Variants in CAGE1 observed in about 807,000 individuals in gnomAD.
CAGE1 encodes the protein cancer antigen 1, also known as cancer-associated gene 1 protein.
Under a neutral mutation model 94.9 loss-of-function variants are expected in CAGE1, and 66 were observed. That is an observed-to-expected ratio of 0.70 (90% CI 0.57 to 0.85). The LOEUF is 0.85. Among genes scored for constraint, CAGE1 ranks in the 40% least tolerant of loss-of-function variants. CAGE1 has a pLI of 0.00. For synonymous variants in CAGE1, 319 were observed against 321.0 expected (o/e 0.99, Z 0.07); for missense variants, 865 against 950.4 (o/e 0.91, Z 1.18).
At chr6:7,363,137 G>T (rs952611144) in intron 9 of CAGE1, among the ~76,000 whole-genome samples, 2 of 152,144 alleles carry the variant, frequency 1.3e-5, no homozygotes, top group Admixed American at 1.3e-4. Context: ...GGGTGTGGTG[G>T]TGGGTGCTTG....
In CAGE1 at chr6:7,342,630, G is replaced by A. The variant is rs553586329; in HGVS notation, c.2370-8540C>T. ...CTGTCCTTGACTGTCAGTGCTCAGG[G>A]AACTGCTCTGCCACCCTTCTCCTCA... On this transcript the variant is annotated intron_variant, in intron 11 of 13. Transcript: ENST00000502583. Among the ~76,000 whole-genome samples the A allele has an allele frequency of 5.3e-5, 8 of 152,322 alleles. No homozygotes were observed. In the East Asian group the frequency reaches 1.5e-3, roughly 29 times the overall value.
intron 13 of CAGE1, among the ~76,000 whole-genome samples, chr6:7,328,520 G>A (rs914221207): frequency 1.9e-5 from 2 of 102,668 alleles, no homozygotes; most frequent in Non-Finnish European, 4.4e-5. Context: ...AGGAGAAGCT[G>A]CATGAGCAAT....
At chr6:7,366,984 A>G (rs1437278831) in intron 7 of CAGE1, among the ~76,000 whole-genome samples, 1 of 152,126 alleles carries the variant, frequency 6.6e-6, no homozygotes. Flanking sequence ...TTAATATCCA[A>G]TATTCAAACT....
At position 7,378,964 on chromosome 6, in the gene CAGE1, T is replaced by C. The variant is rs1760847795; in HGVS notation, c.340A>G (p.Ser114Gly). The C allele has an allele frequency of 1.3e-6, 2 of 1,573,018 alleles. No individual in the cohort carries two copies. Among genetic ancestry groups the C allele is most frequent in the Non-Finnish European group, 1.7e-6 (2 of 1,157,584 alleles). The change falls in exon 4 of 14, where the codon AGC becomes GGC. Residue 114 changes from serine (S) to glycine (G), a missense_variant. By Grantham distance (56) the Ser-to-Gly change is moderately conservative. Transcript: ENST00000502583. ...TCAAATTGTCTCAAGGAAGATATGCTGATGGTGTCAACTGGCTGAATTAGT... is the reference window on the plus strand; with the variant it reads ...TCAAATTGTCTCAAGGAAGATATGCCGATGGTGTCAACTGGCTGAATTAGT... ...NALIQPVDTI[S>G]ISSLRQFETV...
chr6:7,338,964 T>G, intron 11 of CAGE1: 1 of 1,610,004 alleles, frequency 6.2e-7, no homozygotes, highest in Non-Finnish European at 8.5e-7. Flanking sequence ...AGGCAGGGGC[T>G]TCTTAGGGCC....
intron 4 of CAGE1, among the ~76,000 whole-genome samples, chr6:7,375,215 C>A (rs1760695670): frequency 6.6e-6 from 1 of 151,678 alleles, no homozygotes; most frequent in Admixed American, 6.6e-5. Context: ...TCAAGACCAT[C>A]CTGGCCAACA....
At chr6:7,371,119 G>T (rs1760523701) in intron 5 of CAGE1, among the ~76,000 whole-genome samples, 1 of 152,118 alleles carries the variant, frequency 6.6e-6, no homozygotes, top group African/African-American at 2.4e-5. Context: ...TAGGTCCGTG[G>T]TTCTCAAAGT....
chr6:7,330,624 T>C (rs1561844883), intron 12 of CAGE1, among the ~76,000 whole-genome samples: 1 of 152,190 alleles, frequency 6.6e-6, no homozygotes, highest in Non-Finnish European at 1.5e-5. Context: ...TGCCATAATT[T>C]TGAGAGGCTG....
chr6:7,376,169 C>G (rs1019477221), intron 4 of CAGE1, among the ~76,000 whole-genome samples: 1 of 151,716 alleles, frequency 6.6e-6, no homozygotes, highest in African/African-American at 2.4e-5. Flanking sequence ...GCAGGTGGAT[C>G]GCAACGTCAG....
At chr6:7,385,893 T>C (rs748399116) in intron 2 of CAGE1, 21 bp from the exon 3 acceptor site, 14 of 1,284,276 alleles carry the variant, frequency 1.1e-5, no homozygotes, top group Middle Eastern at 3.7e-4. Context: ...AAAAAAGGCA[T>C]CAATACTTCA....
chr6:7,345,197 T>C (rs1424585613), intron 11 of CAGE1, among the ~76,000 whole-genome samples: 1 of 107,334 alleles, frequency 9.3e-6, no homozygotes, highest in Admixed American at 9.2e-5. Context: ...AGGTTTGTAG[T>C]TTCACTCTTT....
chr6:7,379,131 T>C (rs1201009874), intron 3 of CAGE1, 111 bp from the exon 4 acceptor site: 5 of 677,744 alleles, frequency 7.4e-6, no homozygotes. Context: ...AAAAATTATA[T>C]ATTATTTCAA....
At chr6:7,347,086 G>C (rs146668169) in intron 11 of CAGE1, among the ~76,000 whole-genome samples, 5 of 152,212 alleles carry the variant, frequency 3.3e-5, no homozygotes, top group African/African-American at 1.2e-4. Flanking sequence ...CATGGTGGAC[G>C]GGAGGCAGGA....
rs550796838 is a variant in CAGE1 at position 7,345,981 on chromosome 6, ACT to A, written c.2369+9058_2369+9059del. On this transcript the variant is annotated intron_variant, in intron 11 of 13. Transcript: ENST00000502583. The stretch of plus-strand genomic sequence containing the variant: ...ATGCATTTGAAGAACAATACCTCAA[ACT>A]CTATTAAATTTTAGCAGAATCAATA... Among the ~76,000 whole-genome samples, 7 of 152,140 alleles carry A rather than the reference ACT, an allele frequency of 4.6e-5. No homozygotes were observed. The East Asian group carries it at 5.8e-4, about 13-fold the overall frequency.
intron 1 of CAGE1, among the ~76,000 whole-genome samples, chr6:7,387,708 G>A (rs762652348): frequency 3.3e-5 from 5 of 151,850 alleles, no homozygotes; most frequent in Non-Finnish European, 5.9e-5. Context: ...ACCAAGTCCC[G>A]TCCATGTCTC....
chr6:7,341,710 T>A, intron 11 of CAGE1: 1 of 703,244 alleles, frequency 1.4e-6, no homozygotes, highest in East Asian at 3.0e-5. Context: ...AAAGCCACTA[T>A]AGAAGGGAGC....
chr6:7,387,457 G>C (rs4960309), intron 1 of CAGE1, among the ~76,000 whole-genome samples: 1 of 152,094 alleles, frequency 6.6e-6, no homozygotes, highest in Admixed American at 6.5e-5. Context: ...AGGGATCTCT[G>C]TGTTATTTAA....
intron 11 of CAGE1, among the ~76,000 whole-genome samples, chr6:7,343,146 A>G (rs1384746360): frequency 1.3e-5 from 2 of 149,060 alleles, no homozygotes; most frequent in South Asian, 4.2e-4. Context: ...CTGAGATGGC[A>G]CCACTGCACT....
chr6:7,387,606 T>C (rs141654398), intron 1 of CAGE1, among the ~76,000 whole-genome samples: 232 of 152,256 alleles, frequency 1.5e-3, no homozygotes, highest in Middle Eastern at 6.8e-3. Context: ...CTCCTCACTT[T>C]CCTATACTGC....
Sources: allele counts gnomAD v4.1 joint callset (sites outside exome capture counted in the v4.1 genomes callset), GRCh38; gene constraint gnomAD v4.1.1; transcripts MANE v1.5; gene names NCBI Gene and HGNC (gene_info 2026-07-23, HGNC 2026-07-21).